TAFA2: variants seen among roughly 807,000 people sequenced by gnomAD.
The protein encoded by TAFA2 is TAFA chemokine like family member 2.
In TAFA2, 7 loss-of-function variants were observed where a neutral mutation model predicts 18.8. The observed-to-expected ratio is 0.37, with a 90% CI of 0.21 to 0.70. The LOEUF (loss-of-function observed/expected upper bound fraction) is 0.70. Ranked by LOEUF, TAFA2 falls within the 30% of genes least tolerant of loss-of-function variation. The pLI is 0.53. For missense variants in TAFA2, 122 were observed against 158.1 expected (o/e 0.77, Z 1.23); for synonymous variants, 60 against 54.2 (o/e 1.11, Z -0.47).
intron 4 of TAFA2, among the ~76,000 whole-genome samples, chr12:61,749,996 C>A (rs2120741929): frequency 6.7e-6 from 1 of 150,008 alleles, no homozygotes; most frequent in African/African-American, 2.4e-5. Context: ...AAACACCCCA[C>A]ACACACACAC....
At chr12:62,234,654 G>A in intron 1 of TAFA2, 1 of 881,686 alleles carries the variant, frequency 1.1e-6, no homozygotes, top group African/African-American at 1.6e-5. Flanking sequence ...AACAAGGTAG[G>A]AGCGTTTGGT....
intron 4 of TAFA2, among the ~76,000 whole-genome samples, chr12:61,729,753 C>T (rs1325915220): frequency 1.3e-5 from 2 of 151,916 alleles, no homozygotes; most frequent in Non-Finnish European, 2.9e-5. Context: ...ATTTGGATCC[C>T]TTGCTGTTGA....
chr12:62,084,397 T>A (rs1868374490), intron 1 of TAFA2, among the ~76,000 whole-genome samples: 1 of 152,188 alleles, frequency 6.6e-6, no homozygotes, highest in Non-Finnish European at 1.5e-5. Context: ...ACACAAACGA[T>A]GCTGAGCAGA....
intron 1 of TAFA2, among the ~76,000 whole-genome samples, chr12:61,954,655 C>A (rs1878589829): frequency 6.6e-6 from 1 of 152,178 alleles, no homozygotes. Context: ...AGCAGGTAAT[C>A]AGAATCCTTC....
At chr12:61,785,349 G>GTGTA (rs1372270371) in intron 2 of TAFA2, among the ~76,000 whole-genome samples, 1 of 150,572 alleles carries the variant, frequency 6.6e-6, no homozygotes, top group African/African-American at 2.4e-5. Flanking sequence ...GTGTGTGTGT[G>GTGTA]TGTGTGTGTG....
intron 1 of TAFA2, chr12:61,880,505 C>T: frequency 3.8e-6 from 2 of 526,774 alleles, no homozygotes; most frequent in East Asian, 1.1e-4. Context: ...CAAGAAGCTG[C>T]TGGAGGGTGA....
chr12:61,913,716 T>C (rs1286014159), intron 1 of TAFA2, among the ~76,000 whole-genome samples: 1 of 152,094 alleles, frequency 6.6e-6, no homozygotes, highest in African/African-American at 2.4e-5. Flanking sequence ...ATGAATGGGG[T>C]CAGCAATAAT....
At chr12:61,794,583 C>T (rs190111437) in intron 2 of TAFA2, among the ~76,000 whole-genome samples, 10 of 152,014 alleles carry the variant, frequency 6.6e-5, no homozygotes, top group African/African-American at 1.7e-4. Flanking sequence ...ATTATGATTT[C>T]GATTCACCGT....
intron 1 of TAFA2, among the ~76,000 whole-genome samples, chr12:62,025,194 G>T (rs183517094): frequency 6.6e-6 from 1 of 152,192 alleles, no homozygotes; most frequent in Admixed American, 6.6e-5. Flanking sequence ...ATAAGTGGGA[G>T]CTAAACATTG....
chr12:61,759,546 C>G (rs1207176935), intron 2 of TAFA2, among the ~76,000 whole-genome samples: 1 of 151,962 alleles, frequency 6.6e-6, no homozygotes, highest in Non-Finnish European at 1.5e-5. Flanking sequence ...TCATGATGGG[C>G]ATATGAGTGA....
At chr12:61,892,382 A>G (rs1222958840) in intron 1 of TAFA2, among the ~76,000 whole-genome samples, 1 of 152,212 alleles carries the variant, frequency 6.6e-6, no homozygotes, top group African/African-American at 2.4e-5. Flanking sequence ...TAACTTCTAG[A>G]GCACATAGAC....
chr12:62,119,219 T>TA (rs565061591), intron 1 of TAFA2, among the ~76,000 whole-genome samples: 47 of 152,148 alleles, frequency 3.1e-4, no homozygotes, highest in African/African-American at 1.1e-3. Context: ...ACATTATTCT[T>TA]AAAAAAACAC....
At chr12:61,780,645 G>C (rs1354495719) in intron 2 of TAFA2, among the ~76,000 whole-genome samples, 1 of 151,502 alleles carries the variant, frequency 6.6e-6, no homozygotes, top group East Asian at 2.0e-4. Context: ...GGGAGGGTAG[G>C]AGCCTAACTT....
chr12:61,816,735 A>C (rs1019798419), intron 2 of TAFA2, among the ~76,000 whole-genome samples: 8 of 151,328 alleles, frequency 5.3e-5, no homozygotes, highest in Non-Finnish European at 8.8e-5. Context: ...AGGGTAAAGA[A>C]GCATCCTTAG....
chr12:62,020,310 T>C (rs1436890727), intron 1 of TAFA2, among the ~76,000 whole-genome samples: 1 of 152,192 alleles, frequency 6.6e-6, no homozygotes, highest in African/African-American at 2.4e-5. Flanking sequence ...AGAGGGAATA[T>C]GCCCTCATTA....
At chr12:62,006,674 CTG>C (rs1880562653) in intron 1 of TAFA2, among the ~76,000 whole-genome samples, 1 of 152,160 alleles carries the variant, frequency 6.6e-6, no homozygotes. Flanking sequence ...ACCGAGGAAA[CTG>C]TCAATAGTTT....
intron 1 of TAFA2, among the ~76,000 whole-genome samples, chr12:61,919,987 T>A (rs1395634353): frequency 6.6e-6 from 1 of 152,160 alleles, no homozygotes; most frequent in African/African-American, 2.4e-5. Flanking sequence ...CTCAGTCTCA[T>A]TACCAATATG....
At chr12:61,780,185 T>C (rs953269767) in intron 2 of TAFA2, among the ~76,000 whole-genome samples, 4 of 151,748 alleles carry the variant, frequency 2.6e-5, no homozygotes. Flanking sequence ...ACACAGGTAG[T>C]GAAGCAGGAT....
Position 61,886,538 on chromosome 12 carries a change from C to T in TAFA2, c.-1-19112G>A, listed in dbSNP as rs144299346. 5.7e-3 allele frequency among the ~76,000 whole-genome samples: 861 copies of T among 152,248 alleles called. 9 individuals are homozygous for T. The highest frequency in any genetic ancestry group is 0.019 in the African/African-American group (786 of 41,534). On this transcript the variant is annotated intron_variant, in intron 1 of 4. Transcript: ENST00000416284. ...GCTTTTGCCTTATCCCTAAATGTCACGCTTTGCCTACCAGAATGGATCCTG... is the reference window on the plus strand; with the variant it reads ...GCTTTTGCCTTATCCCTAAATGTCATGCTTTGCCTACCAGAATGGATCCTG...
Sources: allele counts gnomAD v4.1 joint callset (sites outside exome capture counted in the v4.1 genomes callset), GRCh38; gene constraint gnomAD v4.1.1; transcripts MANE v1.5; gene names NCBI Gene and HGNC (gene_info 2026-07-23, HGNC 2026-07-21).